The following RETREG1 variants were observed in gnomAD, a reference collection of about 807,000 sequenced individuals.
RETREG1 encodes family with sequence similarity 134 member B.
In RETREG1, 44 loss-of-function variants were observed where a neutral mutation model predicts 54.8. The ratio of observed to expected loss-of-function variants is 0.80; its 90% CI spans 0.63 to 1.03. The LOEUF is 1.03. RETREG1 is among the 50% of genes least tolerant of loss of function. RETREG1 has a pLI of 0.00. For synonymous variants in RETREG1, 217 were observed against 238.5 expected (o/e 0.91, Z 0.83); for missense variants, 554 against 605.1 (o/e 0.92, Z 0.89).
At chr5:16,603,723 A>T (rs1422658338) in intron 1 of RETREG1, among the ~76,000 whole-genome samples, 1 of 151,566 alleles carries the variant, frequency 6.6e-6, no homozygotes, top group African/African-American at 2.4e-5. Flanking sequence ...GGTACCCCAA[A>T]CTCTAGATTC....
intron 1 of RETREG1, among the ~76,000 whole-genome samples, chr5:16,590,942 C>A (rs927908235): frequency 6.6e-6 from 1 of 151,996 alleles, no homozygotes; most frequent in African/African-American, 2.4e-5. Flanking sequence ...TACCCACACA[C>A]GCACATGCAA....
intron 3 of RETREG1, among the ~76,000 whole-genome samples, chr5:16,503,439 C>T (rs771465534): frequency 4.6e-5 from 7 of 152,046 alleles, no homozygotes; most frequent in East Asian, 3.9e-4. Flanking sequence ...GAGCCCGAGG[C>T]GGGTGGATCA....
intron 3 of RETREG1, among the ~76,000 whole-genome samples, chr5:16,486,675 C>T (rs539372418): frequency 1.3e-5 from 2 of 152,266 alleles, no homozygotes; most frequent in South Asian, 4.1e-4. Flanking sequence ...TGAATACATT[C>T]AATGATATTC....
intron 2 of RETREG1, among the ~76,000 whole-genome samples, chr5:16,568,274 CTTTT>C (rs70940379): frequency 7.1e-6 from 1 of 141,732 alleles, no homozygotes. Context: ...ATATCACTGA[CTTTT>C]TTTTTTTTTT....
At chr5:16,484,994 C>T (rs372459459) in intron 3 of RETREG1, among the ~76,000 whole-genome samples, 7 of 152,212 alleles carry the variant, frequency 4.6e-5, no homozygotes, top group African/African-American at 1.4e-4. Context: ...CATGATTCCA[C>T]ATCTATTAAA....
intron 3 of RETREG1, among the ~76,000 whole-genome samples, chr5:16,544,979 G>A (rs1336871090): frequency 6.6e-6 from 1 of 152,180 alleles, no homozygotes; most frequent in African/African-American, 2.4e-5. Context: ...ATTAGCTTAT[G>A]TGACAACATA....
At chr5:16,578,431 G>A (rs1344230141) in intron 1 of RETREG1, among the ~76,000 whole-genome samples, 1 of 152,112 alleles carries the variant, frequency 6.6e-6, no homozygotes, top group Non-Finnish European at 1.5e-5. Context: ...TCTTTAAAAA[G>A]TAATTGAACA....
intron 4 of RETREG1, among the ~76,000 whole-genome samples, chr5:16,482,154 C>G (rs943380668): frequency 6.6e-6 from 1 of 151,866 alleles, no homozygotes; most frequent in Non-Finnish European, 1.5e-5. Context: ...GTTTCTAAAA[C>G]AGCAAGGGCC....
chr5:16,487,276 A>G (rs1320217212), intron 3 of RETREG1, among the ~76,000 whole-genome samples: 2 of 152,186 alleles, frequency 1.3e-5, no homozygotes, highest in African/African-American at 2.4e-5. Flanking sequence ...CAGAGAGACC[A>G]TGCACTTTCC....
chr5:16,565,535 C>A (rs932905123), intron 3 of RETREG1, among the ~76,000 whole-genome samples: 8 of 152,132 alleles, frequency 5.3e-5, no homozygotes, highest in African/African-American at 1.9e-4. Flanking sequence ...CTCACAAATT[C>A]ATGTTGCCCA....
At chr5:16,614,185 T>C (rs999906942) in intron 1 of RETREG1, among the ~76,000 whole-genome samples, 13 of 152,224 alleles carry the variant, frequency 8.5e-5, no homozygotes, top group Admixed American at 7.9e-4. Context: ...CTATCAAATA[T>C]GCCTTTCAAT....
At chr5:16,499,917 A>T (rs163280) in intron 3 of RETREG1, among the ~76,000 whole-genome samples, 1 of 152,026 alleles carries the variant, frequency 6.6e-6, no homozygotes, top group Non-Finnish European at 1.5e-5. Flanking sequence ...GCCTCCCTGC[A>T]CCCCACTGAC....
rs573166395 is a variant in RETREG1, at chr5:16,498,359, G to A, written c.459-14887C>T. Among the ~76,000 whole-genome samples the A allele has an allele frequency of 3.3e-5, 5 of 152,146 alleles. No individual in the cohort carries two copies. The South Asian group carries it at 1.0e-3, about 32-fold the overall frequency. ...ATACTGCAGGCAATTTTAACACAAT[G>A]GTAAGTATCTGTGCATCTAAACATA... On this transcript the variant is annotated intron_variant, in intron 3 of 8. Coordinates refer to ENST00000306320, the MANE Select transcript of RETREG1 (RefSeq NM_001034850.3).
At chr5:16,540,827 G>A (rs1204083233) in intron 3 of RETREG1, among the ~76,000 whole-genome samples, 1 of 151,620 alleles carries the variant, frequency 6.6e-6, no homozygotes, top group Admixed American at 6.6e-5. Flanking sequence ...TTCAGTGGCT[G>A]GCTAATTTCT....
chr5:16,542,054 T>C (rs1447257550), intron 3 of RETREG1, among the ~76,000 whole-genome samples: 1 of 152,188 alleles, frequency 6.6e-6, no homozygotes, highest in African/African-American at 2.4e-5. Flanking sequence ...TGATAAAGAA[T>C]AAACTGTCTA....
Position 16,597,343 on chromosome 5 carries a change from CCA to C in RETREG1, c.320+19307_320+19308del, listed in dbSNP as rs1742929835. Among the ~76,000 whole-genome samples, 2 of 152,208 alleles carry C rather than the reference CCA, an allele frequency of 1.3e-5. No homozygotes were observed. On this transcript the variant is annotated intron_variant, in intron 1 of 8. Coordinates refer to ENST00000306320, the MANE Select transcript of RETREG1 (RefSeq NM_001034850.3). This position sits in a 1 kb window ranked among gnomAD's most constrained non-coding sequence, Gnocchi z 4.3. ...AAATATCTGACACGGGATAAGTGCT[CCA>C]CACCCATTAGTTCTGAATTGTAACA...
intron 8 of RETREG1, among the ~76,000 whole-genome samples, 162 bp from the exon 9 acceptor site, chr5:16,475,396 C>A (rs2126506636): frequency 6.6e-6 from 1 of 152,264 alleles, no homozygotes; most frequent in African/African-American, 2.4e-5. Flanking sequence ...TACTGAACTC[C>A]TCCTAATCCT....
intron 3 of RETREG1, among the ~76,000 whole-genome samples, chr5:16,563,875 C>T (rs527636410): frequency 2.0e-5 from 3 of 152,112 alleles, no homozygotes; most frequent in Admixed American, 2.0e-4. Flanking sequence ...AAAGAGGAAA[C>T]TTTCTTAAGT....
At chr5:16,536,004 T>G (rs1269065199) in intron 3 of RETREG1, among the ~76,000 whole-genome samples, 1 of 151,818 alleles carries the variant, frequency 6.6e-6, no homozygotes, top group Non-Finnish European at 1.5e-5. Flanking sequence ...CTGGGGTTCC[T>G]GCATGCACAC....
Sources: allele counts gnomAD v4.1 joint callset (sites outside exome capture counted in the v4.1 genomes callset), GRCh38; gene constraint gnomAD v4.1.1; non-coding constraint Gnocchi (gnomAD v3.1); transcripts MANE v1.5; gene names NCBI Gene and HGNC (gene_info 2026-07-23, HGNC 2026-07-21).